The following DGCR2 variants were observed in gnomAD, a reference collection of about 807,000 sequenced individuals.
The protein encoded by DGCR2 is DiGeorge syndrome critical region gene 2, also known as integral membrane protein DGCR2/IDD.
In DGCR2, 24 loss-of-function variants were observed where a neutral mutation model predicts 51.6. The ratio of observed to expected loss-of-function variants is 0.47; its 90% CI spans 0.34 to 0.65. The LOEUF is 0.65. DGCR2 is among the 30% of genes least tolerant of loss of function. DGCR2 has a pLI of 0.01. For synonymous variants in DGCR2, 340 were observed against 315.4 expected (o/e 1.08, Z -0.82); for missense variants, 765 against 772.1 (o/e 0.99, Z 0.11).
chr22:19,092,684 G>A (rs540553365), intron 1 of DGCR2, among the ~76,000 whole-genome samples: 2 of 152,134 alleles, frequency 1.3e-5, no homozygotes, highest in East Asian at 1.9e-4. Context: ...GTAAGTTCAG[G>A]TATTTAAAAA....
At position 19,106,913 on chromosome 22, in the gene DGCR2, C is replaced by T. The variant is rs571630029; in HGVS notation, c.79+15215G>A. Among the ~76,000 whole-genome samples, 10 of 152,128 alleles carry T rather than the reference C, an allele frequency of 6.6e-5. No homozygotes were observed. The East Asian group carries it at 1.9e-3, about 29-fold the overall frequency. ...TTTCCTTCACCGAGACAGCAGTCAG[C>T]AGAGCCTCTGGGGGCTCACTGCACA... On this transcript the variant is annotated intron_variant, in intron 1 of 9. Transcript: ENST00000263196.
At chr22:19,049,870 C>A (rs573153214) in intron 6 of DGCR2, among the ~76,000 whole-genome samples, 1 of 151,164 alleles carries the variant, frequency 6.6e-6, no homozygotes, top group South Asian at 2.1e-4. Flanking sequence ...CTAGGTCACC[C>A]ATGTGGTCAG....
intron 1 of DGCR2, among the ~76,000 whole-genome samples, chr22:19,114,862 ATACTGTCCTCAG>A (rs1162485614): frequency 1.3e-5 from 2 of 152,178 alleles, no homozygotes; most frequent in African/African-American, 4.8e-5. Context: ...ACCCACCAGA[ATACTGTCCTCAG>A]TACTGTCCTG....
At position 19,036,761 on chromosome 22, in the gene DGCR2, C is replaced by T. The variant is rs1266404159; in HGVS notation, c.*2104G>A. 6.7e-6 allele frequency: 1 copy of T among 150,318 alleles called. No homozygotes were observed. Among genetic ancestry groups the T allele is most frequent in the Non-Finnish European group, 1.5e-5 (1 of 67,278 alleles). 9.3% of individuals were successfully genotyped at this position (150,318 alleles called of 1,614,324 possible). A position where few individuals can be genotyped will look rare whatever the true frequency, so the allele number is the denominator to read the frequency against. ...TTGTGGAGGCCCATGGGGAAGGGGCCACCCAGCAACCCCGGCCAGCCCAAG... is the reference window on the plus strand; with the variant it reads ...TTGTGGAGGCCCATGGGGAAGGGGCTACCCAGCAACCCCGGCCAGCCCAAG... On this transcript the variant is annotated 3_prime_UTR_variant, in exon 10 of 10. Coordinates refer to ENST00000263196, the MANE Select transcript of DGCR2 (RefSeq NM_005137.3).
At chr22:19,082,626 T>C (rs2082952758) in intron 2 of DGCR2, among the ~76,000 whole-genome samples, 2 of 151,944 alleles carry the variant, frequency 1.3e-5, no homozygotes, top group South Asian at 4.1e-4. Flanking sequence ...GGCAGATGCC[T>C]GTAATCCCAG....
intron 1 of DGCR2, among the ~76,000 whole-genome samples, chr22:19,095,632 G>A (rs2083130832): frequency 6.9e-6 from 1 of 145,660 alleles, no homozygotes; most frequent in African/African-American, 2.6e-5. Flanking sequence ...CTGCCCTCCA[G>A]CCTGGGCAAC....
At chr22:19,070,651 G>A (rs755952254) in intron 2 of DGCR2, among the ~76,000 whole-genome samples, 13 of 152,238 alleles carry the variant, frequency 8.5e-5, no homozygotes, top group Admixed American at 2.0e-4. Context: ...GGGAGACCAG[G>A]TGAAATATTT....
chr22:19,089,229 G>C (rs2083050962), intron 2 of DGCR2, 139 bp downstream of exon 2: 1 of 976,400 alleles, frequency 1.0e-6, no homozygotes, highest in Admixed American at 3.0e-5. Flanking sequence ...GAAAGACAGA[G>C]AGAGAGGAAG....
intron 2 of DGCR2, among the ~76,000 whole-genome samples, chr22:19,080,762 G>A (rs1238160449): frequency 6.6e-6 from 1 of 152,222 alleles, no homozygotes. Flanking sequence ...CTTGAGTCCA[G>A]GGGTTTGAGG....
intron 6 of DGCR2, chr22:19,056,443 C>T (rs1372205749): frequency 2.1e-5 from 11 of 536,054 alleles, no homozygotes; most frequent in Admixed American, 7.1e-5. Flanking sequence ...CCAGAGCCAG[C>T]GCCATCCTGC....
At chr22:19,112,147 C>G (rs1601310812) in intron 1 of DGCR2, among the ~76,000 whole-genome samples, 2 of 151,988 alleles carry the variant, frequency 1.3e-5, no homozygotes, top group East Asian at 3.9e-4. Flanking sequence ...GTGGCACGCA[C>G]CTGTAGTCCC....
intron 5 of DGCR2, among the ~76,000 whole-genome samples, chr22:19,062,779 A>ATTCATTCTCTCTCTCT: frequency 5.9e-4 from 75 of 127,446 alleles, no homozygotes; most frequent in Non-Finnish European, 9.2e-4. Flanking sequence ...ATGCATGCTC[A>ATTCATTCTCTCTCTCT]CTCTCTCTCT....
intron 2 of DGCR2, among the ~76,000 whole-genome samples, chr22:19,074,789 T>A (rs976486918): frequency 6.6e-6 from 1 of 152,150 alleles, no homozygotes; most frequent in Non-Finnish European, 1.5e-5. Flanking sequence ...CCTCTACAGA[T>A]CTGGGATGCC....
intron 6 of DGCR2, among the ~76,000 whole-genome samples, chr22:19,052,115 A>G (rs2082554577): frequency 6.6e-6 from 1 of 152,222 alleles, no homozygotes; most frequent in Admixed American, 6.5e-5. Context: ...TCTATCACAC[A>G]GAAGTGAAAA....
intron 2 of DGCR2, among the ~76,000 whole-genome samples, chr22:19,088,990 T>C (rs2083047989): frequency 6.6e-6 from 1 of 151,944 alleles, no homozygotes; most frequent in African/African-American, 2.4e-5. Context: ...AAAGAGCACA[T>C]TCAGGATCAA....
intron 9 of DGCR2, among the ~76,000 whole-genome samples, chr22:19,040,467 C>T (rs2082418366): frequency 6.6e-6 from 1 of 152,210 alleles, no homozygotes; most frequent in African/African-American, 2.4e-5. Flanking sequence ...GACACCTGCA[C>T]TGCTCAACAG....
In DGCR2 at chr22:19,057,790, C is replaced by T. The variant is rs926184783; in HGVS notation, c.626-628G>A. Among the ~76,000 whole-genome samples the T allele has an allele frequency of 3.9e-5, 6 of 152,064 alleles. No individual in the cohort carries two copies. The highest frequency in any genetic ancestry group is 1.9e-4 in the East Asian group (1 of 5,142). ...AGCCAGGCACAAGGCAGTCAGAAAC[C>T]GTGTACCCCTGCCGCAGAGAGCGTG... On this transcript the variant is annotated intron_variant, in intron 5 of 9. Transcript: ENST00000263196. This position sits in a 1 kb window ranked among gnomAD's most constrained non-coding sequence, Gnocchi z 5.1.
At chr22:19,052,414 TCACACACA>T (rs34670843) in intron 6 of DGCR2, among the ~76,000 whole-genome samples, 21 of 148,666 alleles carry the variant, frequency 1.4e-4, no homozygotes, top group East Asian at 2.0e-4. Context: ...AGACTCTGTC[TCACACACA>T]CACACACACA....
At chr22:19,064,742 T>C in intron 4 of DGCR2, 106 bp downstream of exon 4, 1 of 1,123,888 alleles carries the variant, frequency 8.9e-7, no homozygotes, top group Non-Finnish European at 1.3e-6. Context: ...CCCAACCTGC[T>C]GTCTGCCAGC....
Sources: allele counts gnomAD v4.1 joint callset (sites outside exome capture counted in the v4.1 genomes callset), GRCh38; gene constraint gnomAD v4.1.1; non-coding constraint Gnocchi (gnomAD v3.1); transcripts MANE v1.5; gene names NCBI Gene and HGNC (gene_info 2026-07-23, HGNC 2026-07-21).